HYOU1: variants seen among roughly 807,000 people sequenced by gnomAD.
HYOU1 encodes hypoxia up-regulated 1.
In HYOU1, 40 loss-of-function variants were observed where a neutral mutation model predicts 120.5. The ratio of observed to expected loss-of-function variants is 0.33; its 90% CI spans 0.26 to 0.43. The LOEUF is 0.43. Among genes scored for constraint, HYOU1 ranks in the 20% least tolerant of loss-of-function variants. The pLI, the probability that HYOU1 is intolerant of heterozygous loss-of-function variation, is 1.00. For synonymous variants in HYOU1, 501 were observed against 479.4 expected (o/e 1.05, Z -0.59); for missense variants, 1,085 against 1,278.3 (o/e 0.85, Z 2.31).
At position 119,045,167 on chromosome 11, in the gene HYOU1, C is replaced by T. The variant is rs1284614977; in HGVS notation, c.*426G>A. 2.2e-6 allele frequency: 1 copy of T among 458,232 alleles called. No individual in the cohort carries two copies. The highest frequency in any genetic ancestry group is 4.4e-6 in the Non-Finnish European group (1 of 227,940). 28.4% of individuals were successfully genotyped at this position (458,232 alleles called of 1,614,324 possible). A position where few individuals can be genotyped will look rare whatever the true frequency, so the allele number is the denominator to read the frequency against. ...CTGCAGACACTGGCCTGAAAGGATG[C>T]TCATCGCATGGTGGGAGAGGAAGGG... is the stretch of plus-strand genomic sequence containing the variant. On this transcript the variant is annotated 3_prime_UTR_variant, in exon 26 of 26. Transcript: ENST00000617285.
chr11:119,052,551 C>A lies in HYOU1; in HGVS notation c.987+86G>T. 1 of 1,570,234 alleles carries A rather than the reference C, an allele frequency of 6.4e-7. No individual in the cohort carries two copies. Among genetic ancestry groups the A allele is most frequent in the Non-Finnish European group, 8.7e-7 (1 of 1,152,518 alleles). On this transcript the variant is annotated intron_variant, in intron 9 of 25. Transcript: ENST00000617285. The surrounding 1 kb of genome is among the most constrained non-coding windows in gnomAD (Gnocchi z 5.0). Reference sequence around the variant, plus strand: ...GTAGCGGGAGGAGCATGGGCCATGCCAGGCACGAGCAGCCCAGTTCAGTGG... The same window carrying A: ...GTAGCGGGAGGAGCATGGGCCATGCAAGGCACGAGCAGCCCAGTTCAGTGG...
chr11:119,045,842 A>C lies in HYOU1; in HGVS notation c.2888-11T>G. ...CTCCTGGCTCGGATCCTGCTTTGGG[A>C]AGAAACAGGTTAGTCTCCTCAGAAG... On this transcript the variant is annotated splice_polypyrimidine_tract_variant and intron_variant, in intron 24 of 25. Transcript: ENST00000617285. The C allele has an allele frequency of 6.2e-7, 1 of 1,612,134 alleles. No homozygotes were observed. Among genetic ancestry groups the C allele is most frequent in the African/African-American group, 1.3e-5 (1 of 74,812 alleles).
Position 119,046,454 on chromosome 11 carries a change from A to G in HYOU1, c.2850T>C (p.Asp950=), listed in dbSNP as rs1944081963. ...KVIPPAGQTE[D]AEPISEPEKV... ...TCTCAGGTTCTGAAATGGGCTCTGC[A>G]TCTTCAGTCTGGCCTAGAAGGAAAC... The change falls in exon 24 of 26, where the codon GAT becomes GAC. Residue 950 remains aspartate, a synonymous_variant. Transcript: ENST00000617285. 6.2e-7 allele frequency: 1 copy of G among 1,613,980 alleles called. No homozygotes were observed.
intron 22 of HYOU1, 137 bp downstream of exon 22, chr11:119,047,597 C>A: frequency 1.3e-6 from 1 of 747,418 alleles, no homozygotes. Context: ...GAGGTGGGCT[C>A]AAATACAAAC....
chr11:119,054,177 C>G lies in HYOU1; in HGVS notation c.738G>C (p.Gln246His). The part of the protein sequence containing the change: ...GSTVCTIVTY[Q>H]MVKTKEAGMQ... ...TCCCAGCTTCCTTAGTCTTCACCAT[C>G]TGGTAGGTCACAATGGTGCATACGG... The change falls in exon 8 of 26, where the codon CAG becomes CAC. Residue 246 changes from glutamine to histidine, a missense_variant. By Grantham distance (24) the Gln-to-His change is conservative (BLOSUM62 0). Coordinates refer to ENST00000617285, the MANE Select transcript of HYOU1 (RefSeq NM_006389.5). The G allele has an allele frequency of 6.2e-7, 1 of 1,614,154 alleles. No homozygotes were observed. Among genetic ancestry groups the G allele is most frequent in the South Asian group, 1.1e-5 (1 of 91,088 alleles).
intron 14 of HYOU1, 71 bp from the exon 15 acceptor site, chr11:119,049,908 G>T: frequency 7.1e-7 from 1 of 1,406,240 alleles, no homozygotes; most frequent in South Asian, 1.2e-5. Flanking sequence ...CTGCCAAAGT[G>T]GGTGTTTGCT....
At position 119,046,789 on chromosome 11, in the gene HYOU1, G is replaced by A; in HGVS notation, c.2609C>T (p.Ala870Val). Residue 870 changes from alanine (A) to valine (V), a missense_variant, in exon 23 of 26, where the codon GCA (alanine) becomes GTA (valine). Ala to Val is a moderately conservative substitution (Grantham distance 64). Around this residue, in one of 4 missense-constraint regions of HYOU1, gnomAD observed 516 missense variants for 517.1 expected, o/e 1.00. Coordinates refer to ENST00000617285, the MANE Select transcript of HYOU1 (RefSeq NM_006389.5). The part of the protein sequence containing the change: ...VINETWAWKN[A>V]TLAEQAKLPA... ...CAGCTTAGCCTGCTCGGCCAGAGTT[G>A]CATTCTTCCAGGCCTGTGGGTGAGA... 1 of 1,600,208 alleles carries A rather than the reference G, an allele frequency of 6.2e-7. No individual in the cohort carries two copies. Among genetic ancestry groups the A allele is most frequent in the African/African-American group, 1.3e-5 (1 of 75,036 alleles).
At position 119,049,018 on chromosome 11, in the gene HYOU1, C is replaced by T; in HGVS notation, c.1992G>A (p.Gln664=). 2 of 1,614,032 alleles carry T rather than the reference C, an allele frequency of 1.2e-6. No individual in the cohort carries two copies. Among genetic ancestry groups the T allele is most frequent in the Non-Finnish European group, 1.7e-6 (2 of 1,179,892 alleles). ...EKENGDKSEA[Q]KPSEKAEAGP... ...CTGGCCTTCCTCTGCCACAGCTCAC[C>T]TGGGCCTCAGACTTGTCCCCATTTT... is the stretch of plus-strand genomic sequence containing the variant. Residue 664 remains glutamine (Q), a splice_region_variant and synonymous_variant, in exon 17 of 26, where the codon CAG becomes CAA. Transcript: ENST00000617285.
chr11:119,054,068 C>T (rs1404519488), intron 8 of HYOU1, 53 bp downstream of exon 8: 1 of 1,133,352 alleles, frequency 8.8e-7, no homozygotes, highest in Non-Finnish European at 1.3e-6. Context: ...CAAGAAGAAA[C>T]CCCTGACTTG....
In HYOU1 at chr11:119,056,252, T is replaced by C. The variant is rs1037284246; in HGVS notation, c.-7-85A>G. 3 of 918,024 alleles carry C rather than the reference T, an allele frequency of 3.3e-6. No homozygotes were observed. The Admixed American group carries it at 5.9e-5, about 18-fold the overall frequency. The allele number at this position is 918,024 out of a possible 1,614,324, so 56.9% of individuals were successfully genotyped here. The stretch of plus-strand genomic sequence containing the variant: ...ATCACATCCCAGAACGGAGAGGCTG[T>C]AAGATTCATATCTACTTCATTCTTA... On this transcript the variant is annotated intron_variant, in intron 1 of 25. Coordinates refer to ENST00000617285, the MANE Select transcript of HYOU1 (RefSeq NM_006389.5).
At position 119,044,579 on chromosome 11, in the gene HYOU1, CAG is replaced by C. The variant is rs1282610746; in HGVS notation, c.*1012_*1013del. 6.4e-6 allele frequency: 1 copy of C among 156,258 alleles called. No individual in the cohort carries two copies. The highest frequency in any genetic ancestry group is 1.4e-5 in the Non-Finnish European group (1 of 70,062). 9.7% of individuals were successfully genotyped at this position (156,258 alleles called of 1,614,324 possible). On this transcript the variant is annotated 3_prime_UTR_variant, in exon 26 of 26. Transcript: ENST00000617285. ...TCCTCCTTCATCCACAGGCCTGCCTCAGAGAGAGGGAGGTGGCATCTCTACAT... is the reference window on the plus strand; with the variant it reads ...TCCTCCTTCATCCACAGGCCTGCCTCAGAGAGGGAGGTGGCATCTCTACAT...
Position 119,046,764 on chromosome 11 carries a change from C to T in HYOU1, c.2634G>A (p.Leu878=), listed in dbSNP as rs1944103801. The T allele has an allele frequency of 1.9e-6, 3 of 1,603,488 alleles. No homozygotes were observed. Among genetic ancestry groups the T allele is most frequent in the South Asian group, 1.1e-5 (1 of 91,080 alleles). The change falls in exon 23 of 26, where the codon CTG becomes CTA. Residue 878 remains leucine, a synonymous_variant. Transcript: ENST00000617285. Reference sequence around the variant, plus strand: ...GCAACACAGGCTTCTCTGTGGCGGGCAGCTTAGCCTGCTCGGCCAGAGTTG... The same window carrying T: ...GCAACACAGGCTTCTCTGTGGCGGGTAGCTTAGCCTGCTCGGCCAGAGTTG... The part of the protein sequence containing the change: ...KNATLAEQAK[L]PATEKPVLLS...
Position 119,049,001 on chromosome 11 carries a change from C to T in HYOU1, c.1992+17G>A. 1.9e-6 allele frequency: 3 copies of T among 1,613,848 alleles called. No homozygotes were observed. The highest frequency in any genetic ancestry group is 1.1e-5 in the South Asian group (1 of 91,082). ...TAGCCTCTGGATCCACACTGGCCTT[C>T]CTCTGCCACAGCTCACCTGGGCCTC... On this transcript the variant is annotated intron_variant, in intron 17 of 25. Transcript: ENST00000617285.
intron 8 of HYOU1, chr11:119,053,896 G>C (rs1424402623): frequency 4.2e-6 from 2 of 473,510 alleles, no homozygotes; most frequent in Non-Finnish European, 7.5e-6. Flanking sequence ...GATTTCCTTA[G>C]AATACATTTT....
Position 119,051,602 on chromosome 11 carries a change from C to T in HYOU1, c.1362G>A (p.Glu454=), listed in dbSNP as rs1565715178. The change falls in exon 13 of 26, where the codon GAG becomes GAA. Residue 454 remains glutamate (E), a synonymous_variant. Transcript: ENST00000617285. This position sits in a 1 kb window ranked among gnomAD's most constrained non-coding sequence, Gnocchi z 4.2. ...PILVEFTREV[E]EEPGIHSLKH... Reference sequence around the variant, plus strand: ...TCAGGCTGTGAATCCCAGGCTCCTCCTCCACCTCCCTCGTGAACTCCACCT... The same window carrying T: ...TCAGGCTGTGAATCCCAGGCTCCTCTTCCACCTCCCTCGTGAACTCCACCT... The T allele has an allele frequency of 1.9e-6, 3 of 1,614,114 alleles. No homozygotes were observed. Among genetic ancestry groups the T allele is most frequent in the African/African-American group, 1.3e-5 (1 of 75,016 alleles).
rs2133602841 is a variant in HYOU1, at chr11:119,054,115, A to G, written c.794+6T>C. 6.3e-7 allele frequency: 1 copy of G among 1,591,230 alleles called. No homozygotes were observed. The highest frequency in any genetic ancestry group is 2.2e-5 in the East Asian group (1 of 44,784). On this transcript the variant is annotated splice_donor_region_variant and intron_variant, in intron 8 of 25. Coordinates refer to ENST00000617285, the MANE Select transcript of HYOU1 (RefSeq NM_006389.5). The stretch of plus-strand genomic sequence containing the variant: ...AAGCAGCCCTCCCTGCCAAGTATCC[A>G]CTTACCCTACTCCCCGGATCTGCAG...
rs2133552299 is a variant in HYOU1, at chr11:119,046,678, T to C, written c.2720A>G (p.Asn907Ser). The C allele has an allele frequency of 6.2e-7, 1 of 1,614,144 alleles. No homozygotes were observed. Among genetic ancestry groups the C allele is most frequent in the South Asian group, 1.1e-5 (1 of 91,084 alleles). ...CCGGGGCTTGGTAAACTTGGCCTTA[T>C]TGAGCAGATACTGCACCTCTCGGTC... is the stretch of plus-strand genomic sequence containing the variant. ...ALDREVQYLLNKAKFTKPRPR... is the reference protein window; with the variant it reads ...ALDREVQYLLSKAKFTKPRPR... Residue 907 changes from asparagine to serine, a missense_variant, in exon 23 of 26, where the codon AAT becomes AGT. Physicochemically the swap from Asn to Ser is conservative, Grantham distance 46. Around this residue, in one of 4 missense-constraint regions of HYOU1, gnomAD observed 516 missense variants for 517.1 expected, o/e 1.00. Coordinates refer to ENST00000617285, the MANE Select transcript of HYOU1 (RefSeq NM_006389.5).
Position 119,047,061 on chromosome 11 carries a change from C to CG in HYOU1, c.2596-260_2596-259insC, listed in dbSNP as rs1555195328. ...AACTGAACAAACCCCTTGAATAGTC[C>CG]TTTTTTTTTTTTGAGACGGAGTCTC... On this transcript the variant is annotated intron_variant, in intron 22 of 25. Transcript: ENST00000617285. 2.4e-5 allele frequency: 8 copies of CG among 335,894 alleles called. No individual in the cohort carries two copies. The East Asian group carries it at 4.2e-4, about 18-fold the overall frequency. 20.8% of individuals were successfully genotyped at this position (335,894 alleles called of 1,614,324 possible).
At position 119,045,252 on chromosome 11, in the gene HYOU1, A is replaced by G; in HGVS notation, c.*341T>C. 2 of 499,676 alleles carry G rather than the reference A, an allele frequency of 4.0e-6. No individual in the cohort carries two copies. Among genetic ancestry groups the G allele is most frequent in the Admixed American group, 4.5e-5 (2 of 43,998 alleles). 31.0% of individuals were successfully genotyped at this position (499,676 alleles called of 1,614,324 possible). A position where few individuals can be genotyped will look rare whatever the true frequency, so the allele number is the denominator to read the frequency against. ...TCCCCAGCAACCTGATACCCTTCCC[A>G]TCACCGGGACCCATCAGCCACTGGC... On this transcript the variant is annotated 3_prime_UTR_variant, in exon 26 of 26. Transcript: ENST00000617285.
Sources: allele counts gnomAD v4.1 joint callset, GRCh38; gene constraint gnomAD v4.1.1; regional missense constraint gnomAD v4.1.1; non-coding constraint Gnocchi (gnomAD v3.1); transcripts MANE v1.5; gene names NCBI Gene and HGNC (gene_info 2026-07-23, HGNC 2026-07-21).